The following RBFOX1 variants were observed in gnomAD, a reference collection of about 807,000 sequenced individuals.
The protein encoded by RBFOX1 is RNA binding protein fox-1 homolog 1.
Under a neutral mutation model 57.7 loss-of-function variants are expected in RBFOX1, and 8 were observed. The ratio of observed to expected loss-of-function variants is 0.14; its 90% CI spans 0.08 to 0.25. The LOEUF (loss-of-function observed/expected upper bound fraction) is 0.25. Among genes scored for constraint, RBFOX1 ranks in the 10% least tolerant of loss-of-function variants. RBFOX1 has a pLI of 1.00. For synonymous variants in RBFOX1, 326 were observed against 222.4 expected, an observed-to-expected ratio of 1.47 and a Z score of -4.15; for missense variants, 611 against 548.5, an observed-to-expected ratio of 1.11 and a Z score of -1.14.
At chr16:6,589,118 A>T (rs987711636) in intron 2 of RBFOX1, among the ~76,000 whole-genome samples, 1 of 152,218 alleles carries the variant, frequency 6.6e-6, no homozygotes, top group Admixed American at 6.5e-5. Context: ...AAACCCCTAA[A>T]TATTGGCTGT....
intron 4 of RBFOX1, among the ~76,000 whole-genome samples, chr16:7,430,470 G>A (rs984330946): frequency 1.3e-5 from 2 of 152,022 alleles, no homozygotes; most frequent in South Asian, 4.2e-4. Context: ...GACCATCCTG[G>A]CTAACAAGGT....
chr16:7,210,731 G>T (rs1027989562), intron 4 of RBFOX1, among the ~76,000 whole-genome samples: 5 of 152,044 alleles, frequency 3.3e-5, no homozygotes, highest in Non-Finnish European at 7.3e-5. Context: ...CATTCTCATA[G>T]TATCAATAAG....
intron 1 of RBFOX1, among the ~76,000 whole-genome samples, chr16:6,227,194 A>G (rs146865337): frequency 4.9e-4 from 75 of 152,156 alleles, no homozygotes; most frequent in African/African-American, 1.8e-3. Flanking sequence ...TTAGCTGTCT[A>G]CCCTGGCCCT....
intron 4 of RBFOX1, among the ~76,000 whole-genome samples, chr16:7,342,384 G>C (rs2096915119): frequency 6.6e-6 from 1 of 152,172 alleles, no homozygotes; most frequent in African/African-American, 2.4e-5. Flanking sequence ...CGGGGCTTCA[G>C]CTCTCTGAGC....
chr16:5,793,818 A>T (rs1303748202), intron 3 of RBFOX1, among the ~76,000 whole-genome samples: 4 of 152,176 alleles, frequency 2.6e-5, no homozygotes, highest in Non-Finnish European at 5.9e-5. Context: ...GCATGCGTGC[A>T]TGTGCAAGTG....
chr16:6,570,239 A>T (rs570556815), intron 2 of RBFOX1, among the ~76,000 whole-genome samples: 1 of 152,252 alleles, frequency 6.6e-6, no homozygotes, highest in Non-Finnish European at 1.5e-5. Flanking sequence ...AATTATACCC[A>T]TTGTGTATTG....
chr16:6,534,072 A>G (rs567602324), intron 2 of RBFOX1, among the ~76,000 whole-genome samples: 117 of 152,314 alleles, frequency 7.7e-4, no homozygotes, highest in African/African-American at 2.6e-3. Context: ...ATGAAAACAT[A>G]TCTGCACATA....
chr16:7,180,044 T>C lies in RBFOX1; in HGVS notation c.27+127946T>C, dbSNP rs576642143. On this transcript the variant is annotated intron_variant, in intron 4 of 15. Coordinates refer to ENST00000550418, the MANE Select transcript of RBFOX1 (RefSeq NM_018723.4). ...AGGCTTGAGCCACTGAGTCCAGACC[T>C]TCCTAGATATTTTGAACAGAGCCTG... Among the ~76,000 whole-genome samples, 6 of 152,220 alleles carry C rather than the reference T, an allele frequency of 3.9e-5. No individual in the cohort carries two copies. The South Asian group carries it at 1.2e-3, about 32-fold the overall frequency.
chr16:6,314,188 G>A (rs903590669), intron 1 of RBFOX1, among the ~76,000 whole-genome samples: 2 of 152,152 alleles, frequency 1.3e-5, no homozygotes, highest in Non-Finnish European at 2.9e-5. Flanking sequence ...GTCCTTTCTT[G>A]GTGCTGTAAC....
At chr16:6,669,739 G>T (rs1393284304) in intron 3 of RBFOX1, among the ~76,000 whole-genome samples, 1 of 152,108 alleles carries the variant, frequency 6.6e-6, no homozygotes, top group Non-Finnish European at 1.5e-5. Flanking sequence ...TTTTCTGGGT[G>T]CTTTGGAGGA....
chr16:7,087,691 CAA>C (rs1363350822), intron 4 of RBFOX1, among the ~76,000 whole-genome samples: 1 of 151,952 alleles, frequency 6.6e-6, no homozygotes, highest in Non-Finnish European at 1.5e-5. Flanking sequence ...ACAAGCACAC[CAA>C]ATCTTGTGTA....
At chr16:5,253,070 ACT>A (rs889951858) in intron 1 of RBFOX1, among the ~76,000 whole-genome samples, 28 of 151,082 alleles carry the variant, frequency 1.9e-4, no homozygotes, top group African/African-American at 2.9e-4. Flanking sequence ...CATCTGAAAG[ACT>A]CTCTGTAGAA....
At chr16:6,650,004 A>G (rs1168948102) in intron 2 of RBFOX1, among the ~76,000 whole-genome samples, 4 of 152,138 alleles carry the variant, frequency 2.6e-5, no homozygotes, top group Non-Finnish European at 5.9e-5. Context: ...TATCTTGGCT[A>G]TTGTGAATAA....
intron 1 of RBFOX1, among the ~76,000 whole-genome samples, chr16:5,330,266 C>T (rs2064713934): frequency 6.6e-6 from 1 of 152,124 alleles, no homozygotes. Context: ...GCGAATCTAA[C>T]CTTAGTCTCC....
intron 4 of RBFOX1, among the ~76,000 whole-genome samples, chr16:7,371,249 A>G (rs955249679): frequency 7.9e-5 from 12 of 152,346 alleles, no homozygotes; most frequent in Admixed American, 7.8e-4. Context: ...ATCAAGAAGT[A>G]AACAAATGTG....
intron 3 of RBFOX1, among the ~76,000 whole-genome samples, chr16:6,841,887 C>G (rs1161470164): frequency 2.6e-5 from 4 of 151,974 alleles, no homozygotes; most frequent in Non-Finnish European, 4.4e-5. Context: ...GCCTGTAATC[C>G]TAGCACTTTG....
chr16:6,667,406 C>T (rs2098739620), intron 3 of RBFOX1, among the ~76,000 whole-genome samples: 1 of 152,124 alleles, frequency 6.6e-6, no homozygotes, highest in South Asian at 2.1e-4. Context: ...GCTTAGGATT[C>T]TAAAAGGCCT....
chr16:5,360,017 A>C (rs2065499608), intron 1 of RBFOX1, among the ~76,000 whole-genome samples: 1 of 152,230 alleles, frequency 6.6e-6, no homozygotes, highest in Admixed American at 6.5e-5. Flanking sequence ...GAAGGTTAGT[A>C]AGATGTCCTC....
At position 7,410,065 on chromosome 16, in the gene RBFOX1, G is replaced by GTGATGA. The variant is rs55881929; in HGVS notation, c.28-108068_28-108063dup. On this transcript the variant is annotated intron_variant, in intron 4 of 15. Coordinates refer to ENST00000550418, the MANE Select transcript of RBFOX1 (RefSeq NM_018723.4). ...GCTGCATCTTACATTGGAGTCTTCA[G>GTGATGA]TGATGATGATGATGATGATAGTAGT... Among the ~76,000 whole-genome samples the GTGATGA allele has an allele frequency of 5.0e-4, 76 of 151,634 alleles. 1 individual carries two copies. The East Asian group carries it at 5.3e-3, about 11-fold the overall frequency.
Sources: allele counts gnomAD v4.1 joint callset (sites outside exome capture counted in the v4.1 genomes callset), GRCh38; gene constraint gnomAD v4.1.1; transcripts MANE v1.5; gene names NCBI Gene and HGNC (gene_info 2026-07-23, HGNC 2026-07-21).